Variants in ENTREP2 observed in about 807,000 individuals in gnomAD.
The protein encoded by ENTREP2 is protein ENTREP2.
chr15:29,521,480 G>A, the ENTREP2 span, among the ~76,000 whole-genome samples: 2 of 152,140 alleles, frequency 1.3e-5, no homozygotes, highest in African/African-American at 4.8e-5. Flanking sequence ...GTAAAAATAA[G>A]GATAGAGGAT....
the ENTREP2 span, among the ~76,000 whole-genome samples, chr15:29,325,494 C>G: frequency 1.2e-4 from 19 of 152,150 alleles, no homozygotes; most frequent in South Asian, 3.9e-3. Context: ...CTAAATTTGA[C>G]AAATTAGAAA....
chr15:29,162,769 C>T, the ENTREP2 span, among the ~76,000 whole-genome samples: 1 of 151,470 alleles, frequency 6.6e-6, no homozygotes, highest in Admixed American at 6.6e-5. Context: ...GGGAGTTCTA[C>T]AGCCCAGCCC....
the ENTREP2 span, among the ~76,000 whole-genome samples, chr15:29,526,994 T>C: frequency 1.3e-5 from 2 of 152,198 alleles, no homozygotes; most frequent in Non-Finnish European, 2.9e-5. Context: ...GCTTCTCAGT[T>C]GTCACCAACC....
At chr15:29,179,418 A>C in the ENTREP2 span, among the ~76,000 whole-genome samples, 3 of 152,202 alleles carry the variant, frequency 2.0e-5, no homozygotes, top group African/African-American at 7.2e-5. Context: ...GAGAGGAAAG[A>C]GCCATTCCAT....
At chr15:29,594,928 C>A in the ENTREP2 span, among the ~76,000 whole-genome samples, 1 of 151,784 alleles carries the variant, frequency 6.6e-6, no homozygotes, top group African/African-American at 2.4e-5. Flanking sequence ...ATTAGCCGGG[C>A]GTGGTGGCAG....
chr15:29,401,491 T>C, the ENTREP2 span, among the ~76,000 whole-genome samples: 1 of 152,170 alleles, frequency 6.6e-6, no homozygotes, highest in African/African-American at 2.4e-5. Flanking sequence ...TTTGGTGAAG[T>C]TTTGGTAAAA....
At chr15:29,444,170 CAA>C in the ENTREP2 span, among the ~76,000 whole-genome samples, 3,094 of 71,500 alleles carry the variant, frequency 0.043, 322 homozygotes, top group African/African-American at 0.084. Context: ...GAAAGACAGA[CAA>C]AGAAAGAAAG....
the ENTREP2 span, among the ~76,000 whole-genome samples, chr15:29,298,202 G>A: frequency 0.16 from 24,685 of 152,022 alleles, 3,351 homozygotes; most frequent in African/African-American, 0.38. Flanking sequence ...TAATTTGAAC[G>A]GAATGATATT....
chr15:29,252,308 G>T, the ENTREP2 span: 2 of 989,398 alleles, frequency 2.0e-6, no homozygotes, highest in Non-Finnish European at 3.0e-6. Flanking sequence ...TTTTAAAATT[G>T]CTCTTGTACA....
chr15:29,484,963 T>A, the ENTREP2 span, among the ~76,000 whole-genome samples: 1 of 152,186 alleles, frequency 6.6e-6, no homozygotes, highest in Non-Finnish European at 1.5e-5. Flanking sequence ...ATTGGGCACC[T>A]AGCCTGTTTG....
chr15:29,362,204 G>A, the ENTREP2 span, among the ~76,000 whole-genome samples: 1 of 151,992 alleles, frequency 6.6e-6, no homozygotes, highest in African/African-American at 2.4e-5. Flanking sequence ...AGGGCTATGA[G>A]AATAACTCAC....
chr15:29,527,405 G>A, the ENTREP2 span, among the ~76,000 whole-genome samples: 11 of 152,272 alleles, frequency 7.2e-5, no homozygotes, highest in Middle Eastern at 3.4e-3. Flanking sequence ...ATCAGCTGAT[G>A]AGTCTTTAGG....
chr15:29,393,052 G>A, the ENTREP2 span, among the ~76,000 whole-genome samples: 1 of 152,084 alleles, frequency 6.6e-6, no homozygotes, highest in South Asian at 2.1e-4. Flanking sequence ...CTTGTTGTGT[G>A]CTCATCTATA....
chr15:29,276,963 T>C, the ENTREP2 span, among the ~76,000 whole-genome samples: 4 of 152,184 alleles, frequency 2.6e-5, no homozygotes, highest in African/African-American at 9.6e-5. Flanking sequence ...CAGTGTTCTG[T>C]GGTTGGGGAA....
chr15:29,269,883 G>T, the ENTREP2 span: 58 of 576,242 alleles, frequency 1.0e-4, no homozygotes, highest in Non-Finnish European at 1.4e-4. Flanking sequence ...CGCCTGCGCG[G>T]CTGCGGCGGG....
At chr15:29,416,345 T>C in the ENTREP2 span, among the ~76,000 whole-genome samples, 3 of 152,164 alleles carry the variant, frequency 2.0e-5, no homozygotes, top group African/African-American at 7.2e-5. Context: ...TAATGCCGCG[T>C]ATCTACAACC....
At chr15:29,398,398 A>G in the ENTREP2 span, among the ~76,000 whole-genome samples, 5 of 152,044 alleles carry the variant, frequency 3.3e-5, no homozygotes, top group South Asian at 2.1e-4. Context: ...AAGACGTCCA[A>G]TAGAATTTGA....
the ENTREP2 span, among the ~76,000 whole-genome samples, chr15:29,281,495 C>T: frequency 0.54 from 81,891 of 151,854 alleles, 24,097 homozygotes; most frequent in Non-Finnish European, 0.68. Context: ...TCTACTGGAC[C>T]CCCATACCAG....
chr15:29,143,925 T>C, the ENTREP2 span, among the ~76,000 whole-genome samples: 1 of 152,174 alleles, frequency 6.6e-6, no homozygotes, highest in African/African-American at 2.4e-5. Context: ...GATGCTGTGA[T>C]TTAAGGGCTA....
Sources: allele counts gnomAD v4.1 joint callset (sites outside exome capture counted in the v4.1 genomes callset), GRCh38; gene constraint gnomAD v4.1.1; transcripts MANE v1.5; gene names NCBI Gene and HGNC (gene_info 2026-07-23, HGNC 2026-07-21).